The following TAS1R1 variants were observed in gnomAD, a reference collection of about 807,000 sequenced individuals.
TAS1R1 encodes the protein taste receptor type 1 member 1.
TAS1R1 carries 31 observed loss-of-function variants against 45.8 expected under a neutral mutation model. That is an observed-to-expected ratio of 0.68 (90% CI 0.51 to 0.91). The LOEUF is 0.91. TAS1R1 is among the 40% of genes least tolerant of loss of function. The pLI is 0.00. For missense variants in TAS1R1, 1,051 were observed against 1,063.9 expected (o/e 0.99, Z 0.17); for synonymous variants, 437 against 448.4 (o/e 0.97, Z 0.32).
chr1:6,568,481 A>G (rs1251976820), intron 1 of TAS1R1, among the ~76,000 whole-genome samples: 1 of 150,236 alleles, frequency 6.7e-6, no homozygotes, highest in Admixed American at 6.7e-5. Flanking sequence ...AAAAAAGAAC[A>G]ATAGTTCCTT....
intron 2 of TAS1R1, among the ~76,000 whole-genome samples, chr1:6,573,639 CATTT>C (rs908318759): frequency 4.3e-4 from 65 of 151,928 alleles, no homozygotes; most frequent in Admixed American, 1.2e-3. Flanking sequence ...AAGTGCATTA[CATTT>C]ATTTATTTAT....
At chr1:6,567,563 G>A (rs796891827) in intron 1 of TAS1R1, among the ~76,000 whole-genome samples, 65 of 140,426 alleles carry the variant, frequency 4.6e-4, no homozygotes, top group South Asian at 4.5e-4. Flanking sequence ...CCGTCTCAAA[G>A]AAAAAAAAAA....
At position 6,579,739 on chromosome 1, in the gene TAS1R1, TAAA is replaced by T. The variant is rs1434617773; in HGVS notation, c.*156_*158del. 11 of 1,028,678 alleles carry T rather than the reference TAAA, an allele frequency of 1.1e-5. No homozygotes were observed. The highest frequency in any genetic ancestry group is 4.9e-5 in the African/African-American group (3 of 61,760). 63.7% of individuals were successfully genotyped at this position (1,028,678 alleles called of 1,614,324 possible). A position where few individuals can be genotyped will look rare whatever the true frequency, so the allele number is the denominator to read the frequency against. ...CCTAGACCAGGCTCCGGGCTGCCAA[TAAA>T]GAAGTGAAATGCGTATCTGGTCTCC... On this transcript the variant is annotated 3_prime_UTR_variant, in exon 6 of 6. Transcript: ENST00000333172.
rs771374794 is a variant in TAS1R1, at chr1:6,575,346, G to C, written c.1214G>C (p.Gly405Ala). 5.0e-6 allele frequency: 8 copies of C among 1,603,724 alleles called. No individual in the cohort carries two copies. The highest frequency in any genetic ancestry group is 6.8e-6 in the Non-Finnish European group (8 of 1,175,866). Residue 405 changes from glycine (G) to alanine (A), a missense_variant, in exon 3 of 6, where the codon GGC (glycine) becomes GCC (alanine). Coordinates refer to ENST00000333172, the MANE Select transcript of TAS1R1 (RefSeq NM_138697.4). The part of the protein sequence containing the change: ...AVAHGLHQLL[G>A]CASGACSRGR... ...GCCCATGGCCTCCACCAGCTCCTGG[G>C]CTGTGCCTCTGGAGCTTGTTCCAGG...
rs1640135083 is a variant in TAS1R1 at position 6,575,267 on chromosome 1, A to G, written c.1135A>G (p.Lys379Glu). Residue 379 changes from lysine (K) to glutamate (E), a missense_variant, in exon 3 of 6, where the codon AAA becomes GAA. Lys to Glu is a moderately conservative substitution (Grantham distance 56). Coordinates refer to ENST00000333172, the MANE Select transcript of TAS1R1 (RefSeq NM_138697.4). ...CATGGCACACACGATGCCCAAGCTC[A>G]AAGCCTTCTCCATGAGTTCTGCCTA... Reference protein sequence around the residue: ...AFMAHTMPKLKAFSMSSAYNA... With the variant: ...AFMAHTMPKLEAFSMSSAYNA... 1.2e-6 allele frequency: 2 copies of G among 1,613,362 alleles called. No homozygotes were observed. The highest frequency in any genetic ancestry group is 8.5e-7 in the Non-Finnish European group (1 of 1,180,008).
intron 1 of TAS1R1, among the ~76,000 whole-genome samples, chr1:6,556,541 T>A (rs965298822): frequency 2.0e-5 from 3 of 151,990 alleles, no homozygotes; most frequent in African/African-American, 7.2e-5. Context: ...GCTGGAATTA[T>A]AGGCATGTGT....
At chr1:6,577,097 T>C (rs1389003749) in intron 5 of TAS1R1, 27 bp downstream of exon 5, 2 of 1,613,758 alleles carry the variant, frequency 1.2e-6, no homozygotes, top group Admixed American at 3.3e-5. Context: ...GCAGGCGAGC[T>C]ACCCAGCACT....
intron 1 of TAS1R1, among the ~76,000 whole-genome samples, chr1:6,562,624 C>T (rs995101199): frequency 9.2e-5 from 14 of 152,196 alleles, no homozygotes; most frequent in African/African-American, 3.4e-4. Context: ...GGTGGTAATT[C>T]CTAGTCCTAT....
At chr1:6,563,258 G>A (rs1281599759) in intron 1 of TAS1R1, among the ~76,000 whole-genome samples, 4 of 152,288 alleles carry the variant, frequency 2.6e-5, no homozygotes, top group East Asian at 3.9e-4. Flanking sequence ...GTAAGGTATG[G>A]TTACATTGAT....
intron 1 of TAS1R1, among the ~76,000 whole-genome samples, chr1:6,563,396 G>A (rs1639820386): frequency 6.6e-6 from 1 of 152,222 alleles, no homozygotes; most frequent in South Asian, 2.1e-4. Context: ...TTGTATATTG[G>A]GTAAGGCTGG....
At chr1:6,563,168 T>C (rs1639817738) in intron 1 of TAS1R1, among the ~76,000 whole-genome samples, 1 of 152,086 alleles carries the variant, frequency 6.6e-6, no homozygotes. Context: ...CTTTTAGGGG[T>C]CCTGAAAAGT....
rs764982729 is a variant in TAS1R1, at chr1:6,574,681, C to T, written c.549C>T (p.Pro183=). The change falls in exon 3 of 6, where the codon CCC becomes CCT. Residue 183 remains proline (P), a synonymous_variant. Coordinates refer to ENST00000333172, the MANE Select transcript of TAS1R1 (RefSeq NM_138697.4). This position sits in a 1 kb window ranked among gnomAD's most constrained non-coding sequence, Gnocchi z 4.3. ...CGCTCAGCGTGAAGCGGCAGTATCC[C>T]TCTTTCCTGCGCACCATCCCCAATG... ...SETLSVKRQY[P]SFLRTIPNDK... is the part of the protein sequence containing the mutation. 1.2e-6 allele frequency: 2 copies of T among 1,614,018 alleles called. No individual in the cohort carries two copies. Among genetic ancestry groups the T allele is most frequent in the Non-Finnish European group, 8.5e-7 (1 of 1,179,912 alleles).
chr1:6,567,341 A>G (rs1016382774), intron 1 of TAS1R1, among the ~76,000 whole-genome samples: 1 of 152,052 alleles, frequency 6.6e-6, no homozygotes, highest in East Asian at 1.9e-4. Context: ...CGGGCGGATC[A>G]TGAGGTCAGG....
intron 1 of TAS1R1, among the ~76,000 whole-genome samples, chr1:6,562,643 G>A (rs1381172332): frequency 5.9e-5 from 9 of 152,208 alleles, no homozygotes; most frequent in Non-Finnish European, 1.0e-4. Context: ...ATAAGCAGGG[G>A]TGTTAGCTGT....
chr1:6,573,623 T>G (rs1206096762), intron 2 of TAS1R1, among the ~76,000 whole-genome samples: 5 of 152,100 alleles, frequency 3.3e-5, no homozygotes, highest in Admixed American at 3.3e-4. Context: ...GGTTTCAGGA[T>G]GATTCAAGTG....
At chr1:6,562,617 G>A (rs1354372388) in intron 1 of TAS1R1, among the ~76,000 whole-genome samples, 1 of 152,182 alleles carries the variant, frequency 6.6e-6, no homozygotes, top group African/African-American at 2.4e-5. Context: ...CTGTTGCGGT[G>A]GTAATTCCTA....
At chr1:6,575,517 G>A (rs1035743538) in intron 3 of TAS1R1, 125 bp downstream of exon 3, 1 of 1,102,482 alleles carries the variant, frequency 9.1e-7, no homozygotes, top group African/African-American at 1.6e-5. Flanking sequence ...GAGGTTTTTT[G>A]TTTTGTTTTG....
In TAS1R1 at chr1:6,579,314, G is replaced by A. The variant is rs115714015; in HGVS notation, c.2256G>A (p.Leu752=). The change falls in exon 6 of 6, where the codon TTG becomes TTA. Residue 752 remains leucine, a synonymous_variant. Transcript: ENST00000333172. ...CCTGCAGCTACCTGGGTAAGGACTT[G>A]CCAGAGAACTACAACGAGGCCAAAT... The part of the protein sequence containing the change: ...AFACSYLGKD[L]PENYNEAKCV... The A allele has an allele frequency of 1.3e-4, 217 of 1,614,174 alleles. 1 individual carries two copies. The African/African-American group carries it at 2.4e-3, about 18-fold the overall frequency.
At position 6,555,456 on chromosome 1, in the gene TAS1R1, C is replaced by G. The variant is rs1557799118; in HGVS notation, c.83C>G (p.Ser28Cys). The G allele has an allele frequency of 6.2e-7, 1 of 1,605,118 alleles. No individual in the cohort carries two copies. ...CWAFACHSTE[S>C]SPDFTLPGDY... ...GCCTTTGCCTGCCATAGCACGGAGT[C>G]TTCTCCTGACTTCACCCTCCCCGGA... The change falls in exon 1 of 6, where the codon TCT becomes TGT. Residue 28 changes from serine (S) to cysteine (C), a missense_variant. Coordinates refer to ENST00000333172, the MANE Select transcript of TAS1R1 (RefSeq NM_138697.4).
Sources: allele counts gnomAD v4.1 joint callset (sites outside exome capture counted in the v4.1 genomes callset), GRCh38; gene constraint gnomAD v4.1.1; non-coding constraint Gnocchi (gnomAD v3.1); transcripts MANE v1.5; gene names NCBI Gene and HGNC (gene_info 2026-07-23, HGNC 2026-07-21).